Variants in CHD9 observed in about 807,000 individuals in gnomAD.
CHD9 encodes the protein ATP-dependent chromatin remodeler CHD9.
A neutral mutation model predicts 316.1 loss-of-function variants in CHD9; 77 were observed. The observed-to-expected ratio is 0.24, with a 90% confidence interval of 0.20 to 0.29. The LOEUF is 0.29. Ranked by LOEUF, CHD9 falls within the 10% of genes least tolerant of loss-of-function variation. CHD9 has a pLI of 1.00. For missense variants in CHD9, 2,763 were observed against 3,438.1 expected (o/e 0.80, Z 4.91); for synonymous variants, 1,129 against 1,158.3 (o/e 0.97, Z 0.51).
intron 24 of CHD9, among the ~76,000 whole-genome samples, chr16:53,282,271 A>G (rs2053484797): frequency 6.6e-6 from 1 of 152,016 alleles, no homozygotes; most frequent in Non-Finnish European, 1.5e-5. Flanking sequence ...TCTTCAAACT[A>G]CCATATTATT....
At chr16:53,181,245 AG>A (rs1241378255) in intron 2 of CHD9, among the ~76,000 whole-genome samples, 1 of 152,104 alleles carries the variant, frequency 6.6e-6, no homozygotes, top group Non-Finnish European at 1.5e-5. Flanking sequence ...TCCCGACCTC[AG>A]GTGATCTGCG....
chr16:53,303,238 G>A (rs1318908276), intron 30 of CHD9, among the ~76,000 whole-genome samples: 8 of 146,136 alleles, frequency 5.5e-5, no homozygotes, highest in Admixed American at 2.7e-4. Flanking sequence ...TAGTGTTAGT[G>A]TATTTTATAT....
chr16:53,283,221 T>A (rs2053572488), intron 24 of CHD9, among the ~76,000 whole-genome samples: 2 of 152,208 alleles, frequency 1.3e-5, no homozygotes. Context: ...CATCACACAG[T>A]ATTGCATGTC....
At chr16:53,125,885 T>G (rs755867770) in intron 1 of CHD9, among the ~76,000 whole-genome samples, 2 of 152,206 alleles carry the variant, frequency 1.3e-5, no homozygotes, top group Non-Finnish European at 2.9e-5. Context: ...GGACAAAACT[T>G]CATTGTAAGT....
intron 22 of CHD9, among the ~76,000 whole-genome samples, chr16:53,272,632 A>C (rs913854217): frequency 1.3e-5 from 2 of 152,218 alleles, no homozygotes; most frequent in African/African-American, 4.8e-5. Context: ...GAGCCTCATG[A>C]GTCAACCAGG....
rs558961665 is a variant in CHD9 at position 53,285,438 on chromosome 16, T to C, written c.4968-158T>C. Among the ~76,000 whole-genome samples the C allele has an allele frequency of 2.0e-5, 3 of 151,318 alleles. No individual in the cohort carries two copies. In the South Asian group the frequency reaches 6.3e-4, roughly 32 times the overall value. On this transcript the variant is annotated intron_variant, in intron 24 of 38. Transcript: ENST00000447540. ...ATGGTATCTTTGTTATTGCACAATT[T>C]CGTAATTTTAATTGGTGGCAATTAT... is the stretch of plus-strand genomic sequence containing the variant.
Position 53,125,415 on chromosome 16 carries a change from G to T in CHD9, c.-164-30511G>T, listed in dbSNP as rs115623805. Among the ~76,000 whole-genome samples, 279 of 151,872 alleles carry T rather than the reference G, an allele frequency of 1.8e-3. 1 individual carries two copies. The highest frequency in any genetic ancestry group is 6.4e-3 in the African/African-American group (263 of 41,416). The stretch of plus-strand genomic sequence containing the variant: ...TTTTTTGTATTTTTAGTAGCAATGG[G>T]GTTGGCCAAGCTGGTTAACCATGTT... On this transcript the variant is annotated intron_variant, in intron 1 of 38. Coordinates refer to ENST00000447540, the MANE Select transcript of CHD9 (RefSeq NM_001308319.2).
chr16:53,177,558 T>C (rs1180859666), intron 2 of CHD9, among the ~76,000 whole-genome samples: 1 of 152,230 alleles, frequency 6.6e-6, no homozygotes, highest in East Asian at 1.9e-4. Context: ...AGATAGAGTC[T>C]ACATAGCCTT....
At chr16:53,140,639 T>C (rs2040042986) in intron 1 of CHD9, among the ~76,000 whole-genome samples, 1 of 152,124 alleles carries the variant, frequency 6.6e-6, no homozygotes, top group Non-Finnish European at 1.5e-5. Flanking sequence ...TGTGCTGGAG[T>C]GCAGTAGCAT....
rs1335103896 is a variant in CHD9 at position 53,307,711 on chromosome 16, A to G, written c.6811A>G (p.Ile2271Val). 6.2e-7 allele frequency: 1 copy of G among 1,611,212 alleles called. No individual in the cohort carries two copies. Among genetic ancestry groups the G allele is most frequent in the African/African-American group, 1.3e-5 (1 of 75,018 alleles). Reference protein sequence around the residue: ...DRVMINRLDSICQTVLKGKWP... With the variant: ...DRVMINRLDSVCQTVLKGKWP... ...TGTGATGATCAATAGGTTGGACAGT[A>G]TTTGTCAAACAGTTCTGAAAGGAAA... Residue 2271 changes from isoleucine (I) to valine (V), a missense_variant, in exon 33 of 39, where the codon ATT (isoleucine) becomes GTT (valine). Ile to Val is a conservative substitution (Grantham distance 29). Transcript: ENST00000447540.
chr16:53,097,054 G>T (rs1218562310), intron 1 of CHD9, among the ~76,000 whole-genome samples: 3 of 152,060 alleles, frequency 2.0e-5, no homozygotes, highest in Admixed American at 1.3e-4. Flanking sequence ...CCACATTGGG[G>T]ATTAAAGTTC....
intron 3 of CHD9, among the ~76,000 whole-genome samples, chr16:53,212,851 T>C (rs533068503): frequency 6.6e-6 from 1 of 152,322 alleles, no homozygotes; most frequent in East Asian, 1.9e-4. Flanking sequence ...AGGATAGTAC[T>C]TGCCTCATAG....
chr16:53,117,261 G>T (rs1730979230), intron 1 of CHD9, among the ~76,000 whole-genome samples: 1 of 152,036 alleles, frequency 6.6e-6, no homozygotes, highest in Non-Finnish European at 1.5e-5. Flanking sequence ...AAAAATTTAG[G>T]AAGTCCTGTA....
intron 2 of CHD9, among the ~76,000 whole-genome samples, chr16:53,164,514 G>A (rs2042137586): frequency 6.6e-6 from 1 of 152,154 alleles, no homozygotes; most frequent in Non-Finnish European, 1.5e-5. Context: ...AGGAGGTTGA[G>A]GCTGCCGTGA....
chr16:53,122,359 A>G (rs1033954379), intron 1 of CHD9, among the ~76,000 whole-genome samples: 8 of 152,206 alleles, frequency 5.3e-5, no homozygotes, highest in African/African-American at 1.9e-4. Flanking sequence ...TGAGCCCAAT[A>G]TAAGAAATGA....
At chr16:53,277,627 T>A (rs2052980803) in intron 24 of CHD9, among the ~76,000 whole-genome samples, 1 of 152,018 alleles carries the variant, frequency 6.6e-6, no homozygotes, top group South Asian at 2.1e-4. Context: ...TAACAACCTA[T>A]CTATAACAAC....
chr16:53,200,370 C>CAAAAAA (rs60076527), intron 2 of CHD9, among the ~76,000 whole-genome samples: 1 of 88,270 alleles, frequency 1.1e-5, no homozygotes, highest in Admixed American at 1.4e-4. Flanking sequence ...TACTCTGTCT[C>CAAAAAA]AAAAAAAAAA....
rs1186524156 is a variant in CHD9, at chr16:53,080,254, CT to C, written c.-165+25185del. On this transcript the variant is annotated intron_variant, in intron 1 of 38. Coordinates refer to ENST00000447540, the MANE Select transcript of CHD9 (RefSeq NM_001308319.2). ...ATATTTTGGCAAGAAGGGTTTTTTTCTTTTTTTTATTAACCACTTTTTCTGG... is the reference window on the plus strand; with the variant it reads ...ATATTTTGGCAAGAAGGGTTTTTTTCTTTTTTTATTAACCACTTTTTCTGG... Among the ~76,000 whole-genome samples, 3 of 152,122 alleles carry C rather than the reference CT, an allele frequency of 2.0e-5. No individual in the cohort carries two copies. In the South Asian group the frequency reaches 6.2e-4, roughly 32 times the overall value.
intron 29 of CHD9, among the ~76,000 whole-genome samples, chr16:53,296,653 G>A (rs2153064033): frequency 6.6e-6 from 1 of 151,888 alleles, no homozygotes; most frequent in South Asian, 2.1e-4. Context: ...CACCATGTTA[G>A]CCAGTATGGT....
Sources: allele counts gnomAD v4.1 joint callset (sites outside exome capture counted in the v4.1 genomes callset), GRCh38; gene constraint gnomAD v4.1.1; transcripts MANE v1.5; gene names NCBI Gene and HGNC (gene_info 2026-07-23, HGNC 2026-07-21).